Variants in NUP214 observed in about 807,000 individuals in gnomAD.
The protein encoded by NUP214 is nuclear pore complex protein Nup214.
A neutral mutation model predicts 196.2 loss-of-function variants in NUP214; 79 were observed. The ratio of observed to expected loss-of-function variants is 0.40; its 90% CI spans 0.34 to 0.49. NUP214 has a LOEUF of 0.49. Ranked by LOEUF, NUP214 falls within the 20% of genes least tolerant of loss-of-function variation. The pLI, the probability that NUP214 is intolerant of heterozygous loss-of-function variation, is 0.58. For synonymous variants in NUP214, 1,020 were observed against 990.5 expected (o/e 1.03, Z -0.56); for missense variants, 2,468 against 2,539.0 (o/e 0.97, Z 0.60).
At chr9:131,218,636 A>T (rs1173746883) in intron 31 of NUP214, among the ~76,000 whole-genome samples, 2 of 151,910 alleles carry the variant, frequency 1.3e-5, no homozygotes, top group African/African-American at 4.8e-5. Context: ...GTTCATCACA[A>T]TCTTCTTCTC....
Position 131,199,734 on chromosome 9 carries a change from T to C in NUP214, c.5521+719T>C, listed in dbSNP as rs146882884. On this transcript the variant is annotated intron_variant, in intron 29 of 35. Transcript: ENST00000359428. ...CTGAAAGTTATCTTATGAAAGGTAA[T>C]TCTTCAGCAATAGACTCTAGGAGAA... 6.6e-3 allele frequency among the ~76,000 whole-genome samples: 1,011 copies of C among 152,356 alleles called. 12 individuals carry two copies. The highest frequency in any genetic ancestry group is 0.01 in the Middle Eastern group (3 of 294).
chr9:131,178,165 C>T (rs1292250265), intron 23 of NUP214, 146 bp from the exon 24 acceptor site: 2 of 631,326 alleles, frequency 3.2e-6, no homozygotes, highest in Non-Finnish European at 5.6e-6. Context: ...CACAATGCTG[C>T]AAGAACTACC....
chr9:131,166,832 A>G (rs1832798718), intron 21 of NUP214, among the ~76,000 whole-genome samples: 1 of 151,756 alleles, frequency 6.6e-6, no homozygotes, highest in Non-Finnish European at 1.5e-5. Flanking sequence ...TCCAATTGCG[A>G]GTACAGTAAG....
chr9:131,223,032 A>G (rs958615119), intron 32 of NUP214, 102 bp downstream of exon 32: 9 of 1,100,050 alleles, frequency 8.2e-6, no homozygotes, highest in Non-Finnish European at 1.2e-5. Flanking sequence ...TTAAGAGAGT[A>G]GGATTGGAGT....
intron 30 of NUP214, among the ~76,000 whole-genome samples, chr9:131,213,125 AAT>A (rs1299516700): frequency 6.6e-6 from 1 of 152,112 alleles, no homozygotes; most frequent in Admixed American, 6.5e-5. Context: ...ACTTCAGTAA[AAT>A]ATGTTAGTGA....
intron 3 of NUP214, among the ~76,000 whole-genome samples, chr9:131,129,041 A>T (rs1331120987): frequency 6.6e-5 from 10 of 152,216 alleles, no homozygotes; most frequent in Admixed American, 5.9e-4. Flanking sequence ...GCAATTGTGC[A>T]TTCCCCTTCT....
intron 24 of NUP214, among the ~76,000 whole-genome samples, chr9:131,179,378 C>T (rs1015646615): frequency 3.3e-5 from 5 of 152,146 alleles, no homozygotes; most frequent in African/African-American, 7.2e-5. Context: ...TGGGCAGGTT[C>T]GCAGAACATG....
rs908462131 is a variant in NUP214 at position 131,133,287 on chromosome 9, G to A, written c.831+78G>A. The A allele has an allele frequency of 2.1e-5, 18 of 854,552 alleles. No individual in the cohort carries two copies. The African/African-American group carries it at 2.5e-4, about 12-fold the overall frequency. 52.9% of individuals were successfully genotyped at this position (854,552 alleles called of 1,614,324 possible). On this transcript the variant is annotated intron_variant, in intron 7 of 35. Coordinates refer to ENST00000359428, the MANE Select transcript of NUP214 (RefSeq NM_005085.4). ...AAAGCTGGAGGCTTTGATTTCAAGG[G>A]GTTTTTTTGTGTTTGTGTTTTTTTT...
At chr9:131,131,635 A>G (rs957792255) in intron 5 of NUP214, among the ~76,000 whole-genome samples, 13 of 152,110 alleles carry the variant, frequency 8.5e-5, no homozygotes, top group Non-Finnish European at 1.6e-4. Flanking sequence ...AAGATAATGC[A>G]ATTTTTTAAA....
At chr9:131,133,304 GTTT>G (rs751108620) in intron 7 of NUP214, 95 bp downstream of exon 7, 2,774 of 417,564 alleles carry the variant, frequency 6.6e-3, no homozygotes, top group South Asian at 0.011. Flanking sequence ...TTGTGTTTGT[GTTT>G]TTTTTTTTTT....
rs1480427779 is a variant in NUP214, at chr9:131,232,478, C to T, written c.6239+170C>T. ...AGGGTTTGGGTTTTGTGGACTTGCT[C>T]TTCTCTGTAGCAATATGGCAGGAGG... On this transcript the variant is annotated intron_variant, in intron 35 of 35. Coordinates refer to ENST00000359428, the MANE Select transcript of NUP214 (RefSeq NM_005085.4). The surrounding 1 kb of genome is among the most constrained non-coding windows in gnomAD (Gnocchi z 5.1). 1 of 715,752 alleles carries T rather than the reference C, an allele frequency of 1.4e-6. No individual in the cohort carries two copies. The highest frequency in any genetic ancestry group is 2.5e-6 in the Non-Finnish European group (1 of 400,204). The allele number at this position is 715,752 out of a possible 1,614,324, so 44.3% of individuals were successfully genotyped here.
chr9:131,162,540 G>A (rs1045845277), intron 18 of NUP214, among the ~76,000 whole-genome samples: 4 of 152,034 alleles, frequency 2.6e-5, no homozygotes, highest in Non-Finnish European at 4.4e-5. Context: ...ATCTTATGCT[G>A]TCCCCCTATT....
At chr9:131,222,665 C>A in intron 31 of NUP214, 113 bp from the exon 32 acceptor site, 2 of 1,274,628 alleles carry the variant, frequency 1.6e-6, no homozygotes, top group Non-Finnish European at 2.2e-6. Context: ...GGCTTCTAGG[C>A]GGCTTGTCAC....
At position 131,144,519 on chromosome 9, in the gene NUP214, G is replaced by A. The variant is rs1471744261; in HGVS notation, c.1534G>A (p.Ala512Thr). Residue 512 changes from alanine to threonine, a missense_variant, in exon 12 of 36, where the codon GCC (alanine) becomes ACC (threonine). Ala to Thr is a moderately conservative substitution (Grantham distance 58). Coordinates refer to ENST00000359428, the MANE Select transcript of NUP214 (RefSeq NM_005085.4). The part of the protein sequence containing the change: ...YSSGSDSSKA[A>T]PGPGPSTFSF... The stretch of plus-strand genomic sequence containing the variant: ...CAGTGGCTCCGACAGCTCCAAAGCA[G>A]CCCCAGGCCCTGGCCCATCAACCTT... 1 of 1,614,032 alleles carries A rather than the reference G, an allele frequency of 6.2e-7. No homozygotes were observed. Among genetic ancestry groups the A allele is most frequent in the Non-Finnish European group, 8.5e-7 (1 of 1,180,028 alleles).
In NUP214 at chr9:131,129,496, C is replaced by T; in HGVS notation, c.592+19C>T. The stretch of plus-strand genomic sequence containing the variant: ...ACCTCTGGTGAGTAATAAAGGCTTT[C>T]ACACTGTAGCATACAATCATGGTCA... On this transcript the variant is annotated intron_variant, in intron 4 of 35. Coordinates refer to ENST00000359428, the MANE Select transcript of NUP214 (RefSeq NM_005085.4). The T allele has an allele frequency of 1.9e-6, 3 of 1,600,770 alleles. No homozygotes were observed. The highest frequency in any genetic ancestry group is 2.6e-6 in the Non-Finnish European group (3 of 1,167,890).
chr9:131,128,080 G>A (rs1283670508), intron 2 of NUP214, among the ~76,000 whole-genome samples: 1 of 152,162 alleles, frequency 6.6e-6, no homozygotes, highest in East Asian at 1.9e-4. Context: ...TTAGAGCATT[G>A]TTGCAAAAAT....
intron 9 of NUP214, among the ~76,000 whole-genome samples, chr9:131,138,851 A>G (rs1025627423): frequency 1.3e-5 from 2 of 152,186 alleles, no homozygotes; most frequent in African/African-American, 4.8e-5. Context: ...TCTGTGAAAG[A>G]CTGCAGTAGA....
intron 24 of NUP214, among the ~76,000 whole-genome samples, chr9:131,180,356 C>T (rs532801731): frequency 2.0e-5 from 3 of 152,262 alleles, no homozygotes; most frequent in African/African-American, 7.2e-5. Flanking sequence ...TTTACTGCCA[C>T]CCCTCCCCAG....
rs117647863 is a variant in NUP214 at position 131,199,499 on chromosome 9, A to G, written c.5521+484A>G. ...AGTGTTTTCTGTCTCCTCTGACACC[A>G]TCTTTCTTACTGTAATGGCAGTCAC... On this transcript the variant is annotated intron_variant, in intron 29 of 35. Coordinates refer to ENST00000359428, the MANE Select transcript of NUP214 (RefSeq NM_005085.4). 4.8e-3 allele frequency among the ~76,000 whole-genome samples: 728 copies of G among 152,254 alleles called. 2 individuals are homozygous for G. Among genetic ancestry groups the G allele is most frequent in the Non-Finnish European group, 8.3e-3 (565 of 68,012 alleles).
Sources: gnomAD v4.1 joint callset for allele counts (sites outside exome capture counted in the v4.1 genomes callset) on GRCh38, gnomAD v4.1.1 for gene constraint, Gnocchi (gnomAD v3.1) non-coding constraint, MANE v1.5 for transcripts, NCBI Gene and HGNC (gene_info 2026-07-23, HGNC 2026-07-21) for gene names.